The following ZWILCH variants were observed in gnomAD, a reference collection of about 807,000 sequenced individuals.
ZWILCH encodes zwilch kinetochore protein, also known as protein zwilch homolog.
A neutral mutation model predicts 79.9 loss-of-function variants in ZWILCH; 74 were observed. The ratio of observed to expected loss-of-function variants is 0.93; its 90% CI spans 0.77 to 1.12. The LOEUF is 1.12. Among genes scored for constraint, ZWILCH ranks in the 50% most tolerant of loss-of-function variants. ZWILCH has a pLI of 0.00. For missense variants in ZWILCH, 694 were observed against 687.5 expected (o/e 1.01, Z -0.11); for synonymous variants, 241 against 228.2 (o/e 1.06, Z -0.51).
At chr15:66,535,041 A>G (rs1053060614) in intron 14 of ZWILCH, among the ~76,000 whole-genome samples, 3 of 151,942 alleles carry the variant, frequency 2.0e-5, no homozygotes, top group Non-Finnish European at 4.4e-5. Context: ...TCTATTTTTA[A>G]CTTTTTTTTT....
chr15:66,529,866 C>T (rs1268524642), intron 12 of ZWILCH, among the ~76,000 whole-genome samples: 2 of 152,148 alleles, frequency 1.3e-5, no homozygotes, highest in Admixed American at 1.3e-4. Context: ...CTAATATTGT[C>T]ATTGTTAAGT....
intron 2 of ZWILCH, among the ~76,000 whole-genome samples, chr15:66,509,971 G>A (rs1246780228): frequency 6.7e-6 from 1 of 149,492 alleles, no homozygotes; most frequent in East Asian, 1.9e-4. Flanking sequence ...GAGGTCAGGA[G>A]TTCGATACCA....
At chr15:66,511,881 C>A (rs1426540839) in intron 2 of ZWILCH, among the ~76,000 whole-genome samples, 1 of 152,106 alleles carries the variant, frequency 6.6e-6, no homozygotes, top group African/African-American at 2.4e-5. Context: ...TCCCAAAGTG[C>A]TGGGATTACA....
chr15:66,544,725 TGTG>T (rs1895311771), intron 17 of ZWILCH, among the ~76,000 whole-genome samples: 4 of 10,304 alleles, frequency 3.9e-4, no homozygotes, highest in Non-Finnish European at 7.0e-4. Flanking sequence ...TTTTGGTTTT[TGTG>T]TGTGTGTGTG....
chr15:66,539,203 C>T (rs573767718), intron 16 of ZWILCH, among the ~76,000 whole-genome samples: 3 of 151,846 alleles, frequency 2.0e-5, no homozygotes, highest in East Asian at 1.9e-4. Context: ...AAATGGTTAC[C>T]GATAGCCTGG....
intron 4 of ZWILCH, among the ~76,000 whole-genome samples, chr15:66,517,430 G>GTGTGTATATATATATATATATATA: frequency 4.5e-5 from 3 of 66,516 alleles, no homozygotes; most frequent in African/African-American, 1.8e-4. Context: ...GTGTGTGTGT[G>GTGTGTATATATATATATATATATA]TATATATATA....
At chr15:66,508,752 T>C (rs1441792879) in intron 1 of ZWILCH, 89 bp from the exon 2 acceptor site, 3 of 1,579,684 alleles carry the variant, frequency 1.9e-6, no homozygotes, top group Non-Finnish European at 1.7e-6. Flanking sequence ...ATAGGTGTCC[T>C]GCAGAGATAA....
In ZWILCH at chr15:66,536,637, G is replaced by T. The variant is rs527331500; in HGVS notation, c.1479-531G>T. On this transcript the variant is annotated intron_variant, in intron 15 of 18. Transcript: ENST00000307897. ...GAAGGACTGGGTTTCTTTTCCCTCT[G>T]GAAGGAAATGTACCATTACATTTTC... Among the ~76,000 whole-genome samples the T allele has an allele frequency of 3.8e-4, 58 of 152,222 alleles. 1 individual carries two copies. Among genetic ancestry groups the T allele is most frequent in the African/African-American group, 1.4e-3 (57 of 41,548 alleles).
chr15:66,536,172 T>C (rs1895011811), intron 15 of ZWILCH, 103 bp downstream of exon 15: 2 of 1,034,574 alleles, frequency 1.9e-6, no homozygotes, highest in South Asian at 1.9e-5. Context: ...ATAGAACCTC[T>C]TCATCCTGTC....
At chr15:66,519,183 A>G in intron 5 of ZWILCH, 105 bp downstream of exon 5, 6 of 1,115,018 alleles carry the variant, frequency 5.4e-6, no homozygotes, top group Non-Finnish European at 7.9e-6. Context: ...AAAGTGCACA[A>G]GGTAGAACTT....
Position 66,537,008 on chromosome 15 carries a change from G to A in ZWILCH, c.1479-160G>A, listed in dbSNP as rs529446032. Among the ~76,000 whole-genome samples the A allele has an allele frequency of 2.0e-5, 3 of 152,266 alleles. No homozygotes were observed. The East Asian group carries it at 5.8e-4, about 29-fold the overall frequency. On this transcript the variant is annotated intron_variant, in intron 15 of 18. Coordinates refer to ENST00000307897, the MANE Select transcript of ZWILCH (RefSeq NM_017975.5). ...TAACCTAAGTTTTGTTTGTAGGGTTGTTGTGTTTGTTTGTTTACTTTTGTG... is the reference window on the plus strand; with the variant it reads ...TAACCTAAGTTTTGTTTGTAGGGTTATTGTGTTTGTTTGTTTACTTTTGTG...
intron 8 of ZWILCH, 108 bp downstream of exon 8, chr15:66,523,856 A>G: frequency 1.3e-6 from 1 of 760,640 alleles, no homozygotes; most frequent in Non-Finnish European, 2.1e-6. Flanking sequence ...TTCAGATGTT[A>G]TGTATCCATT....
At chr15:66,539,395 C>A (rs1289472271) in intron 16 of ZWILCH, among the ~76,000 whole-genome samples, 1 of 126,074 alleles carries the variant, frequency 7.9e-6, no homozygotes. Flanking sequence ...CAGAGCAAGA[C>A]CCTGTCAAAA....
chr15:66,544,826 C>T (rs767769452), intron 17 of ZWILCH, among the ~76,000 whole-genome samples: 73 of 150,980 alleles, frequency 4.8e-4, no homozygotes, highest in Non-Finnish European at 9.1e-4. Context: ...TCACTGCAAC[C>T]TCCGCCTCCC....
rs760696190 is a variant in ZWILCH, at chr15:66,546,659, A to G, written c.1756A>G (p.Ser586Gly). Residue 586 changes from serine to glycine, a missense_variant, in exon 18 of 19, where the codon AGC (serine) becomes GGC (glycine). By Grantham distance (56) the Ser-to-Gly change is moderately conservative (BLOSUM62 0). Coordinates refer to ENST00000307897, the MANE Select transcript of ZWILCH (RefSeq NM_017975.5). ...ATTCTTTACTAACATGGTTACCTGC[A>G]GCCAGGTGCATTTCAAGTGAAGTGT... ...RIFFTNMVTCSQVHFK is the reference protein window; with the variant it reads ...RIFFTNMVTCGQVHFK The G allele has an allele frequency of 1.2e-6, 2 of 1,608,318 alleles. No homozygotes were observed. Among genetic ancestry groups the G allele is most frequent in the Middle Eastern group, 3.3e-4 (2 of 6,046 alleles).
intron 2 of ZWILCH, among the ~76,000 whole-genome samples, chr15:66,512,095 C>T (rs1894087848): frequency 6.6e-6 from 1 of 152,018 alleles, no homozygotes; most frequent in South Asian, 2.1e-4. Flanking sequence ...CTGGAAACTA[C>T]TAAAATATCA....
chr15:66,519,615 G>A (rs1463292711), intron 5 of ZWILCH, among the ~76,000 whole-genome samples: 3 of 151,836 alleles, frequency 2.0e-5, no homozygotes, highest in South Asian at 2.1e-4. Flanking sequence ...CACCACGCCC[G>A]GCTAATTTTT....
At chr15:66,530,883 A>G (rs1043150933) in intron 12 of ZWILCH, among the ~76,000 whole-genome samples, 2 of 152,210 alleles carry the variant, frequency 1.3e-5, no homozygotes, top group Non-Finnish European at 2.9e-5. Flanking sequence ...TAGTGATTCT[A>G]GGCATTTTAG....
At position 66,540,196 on chromosome 15, in the gene ZWILCH, A is replaced by C; in HGVS notation, c.1673A>C (p.Asn558Thr). 1 of 1,610,292 alleles carries C rather than the reference A, an allele frequency of 6.2e-7. No homozygotes were observed. The highest frequency in any genetic ancestry group is 8.5e-7 in the Non-Finnish European group (1 of 1,177,800). Residue 558 changes from asparagine (N) to threonine (T), a missense_variant, in exon 17 of 19, where the codon AAT becomes ACT. Asn to Thr is a moderately conservative substitution (Grantham distance 65). Transcript: ENST00000307897. ...LSDSSPIDHL[N>T]FHKPDFSELT... Reference sequence around the variant, plus strand: ...GACAGCTCACCCATAGACCATCTGAATTTTCACAAACCTGGTAAAGATGGT... The same window carrying C: ...GACAGCTCACCCATAGACCATCTGACTTTTCACAAACCTGGTAAAGATGGT...
Sources: allele counts gnomAD v4.1 joint callset (sites outside exome capture counted in the v4.1 genomes callset), GRCh38; gene constraint gnomAD v4.1.1; transcripts MANE v1.5; gene names NCBI Gene and HGNC (gene_info 2026-07-23, HGNC 2026-07-21).